Variants in FER1L6 observed in about 807,000 individuals in gnomAD.
The protein encoded by FER1L6 is fer-1 like family member 6.
FER1L6 carries 177 observed loss-of-function variants against 219.2 expected under a neutral mutation model. That is an observed-to-expected ratio of 0.81 (90% confidence interval 0.71 to 0.91). The LOEUF (loss-of-function observed/expected upper bound fraction) is 0.91, where lower values mean the gene tolerates loss of function less well. FER1L6 is among the 40% of genes least tolerant of loss of function. The probability of loss-of-function intolerance (pLI) is 0.00; values close to 1 mark genes in which losing one functional copy is unlikely to be tolerated. For synonymous variants in FER1L6, 768 were observed against 824.3 expected, an observed-to-expected ratio of 0.93 and a Z score of 1.17; for missense variants, 2,153 against 2,259.9, an observed-to-expected ratio of 0.95 and a Z score of 0.96.
At chr8:124,091,290 G>A (rs1049301813) in intron 33 of FER1L6, 133 bp from the exon 34 acceptor site, 2 of 623,828 alleles carry the variant, frequency 3.2e-6, no homozygotes, top group Admixed American at 3.1e-5. Context: ...TGTTTGGCCA[G>A]AAAAGAGAGA....
intron 2 of FER1L6, among the ~76,000 whole-genome samples, chr8:123,962,802 AT>A (rs1815354857): frequency 6.6e-6 from 1 of 151,854 alleles, no homozygotes; most frequent in South Asian, 2.1e-4. Context: ...TAATTTTTGT[AT>A]TTTTAGTAGA....
At chr8:124,062,483 G>A (rs1005578862) in intron 25 of FER1L6, among the ~76,000 whole-genome samples, 8 of 151,994 alleles carry the variant, frequency 5.3e-5, no homozygotes, top group South Asian at 2.1e-4. Flanking sequence ...CAGGCCTTAC[G>A]CCAGCATCCT....
chr8:123,923,546 T>C (rs1223794479), intron 1 of FER1L6, among the ~76,000 whole-genome samples: 2 of 152,200 alleles, frequency 1.3e-5, no homozygotes, highest in African/African-American at 4.8e-5. Flanking sequence ...AGCCAATTTA[T>C]TTTAGGTTAT....
intron 35 of FER1L6, 45 bp downstream of exon 35, chr8:124,095,083 C>T (rs1159216692): frequency 3.3e-5 from 53 of 1,609,138 alleles, no homozygotes; most frequent in Non-Finnish European, 4.2e-5. Context: ...ATCTTGTGTA[C>T]TGTAGAGTAA....
chr8:123,870,436 G>A (rs1219372321), intron 1 of FER1L6, among the ~76,000 whole-genome samples: 1 of 152,280 alleles, frequency 6.6e-6, no homozygotes, highest in East Asian at 1.9e-4. Context: ...AAAAGCTGTA[G>A]TACATTCATG....
intron 1 of FER1L6, among the ~76,000 whole-genome samples, chr8:123,896,058 G>T (rs1050017412): frequency 2.6e-5 from 4 of 152,154 alleles, no homozygotes; most frequent in Non-Finnish European, 5.9e-5. Flanking sequence ...GGCTTGTTCT[G>T]GAGGCAGCCG....
chr8:123,921,315 G>A (rs1400232330), intron 1 of FER1L6, among the ~76,000 whole-genome samples: 2 of 152,110 alleles, frequency 1.3e-5, no homozygotes, highest in East Asian at 3.9e-4. Flanking sequence ...CATTGTGCAA[G>A]GATTCCAACT....
At chr8:123,968,959 CT>C (rs1262726941) in intron 5 of FER1L6, among the ~76,000 whole-genome samples, 1 of 152,182 alleles carries the variant, frequency 6.6e-6, no homozygotes, top group Non-Finnish European at 1.5e-5. Flanking sequence ...GCCTGCCTTC[CT>C]GGTCCCCCTC....
intron 39 of FER1L6, among the ~76,000 whole-genome samples, chr8:124,115,419 C>T (rs902767285): frequency 6.6e-6 from 1 of 152,056 alleles, no homozygotes; most frequent in Non-Finnish European, 1.5e-5. Context: ...CCGATAGATG[C>T]ATTGCGACCG....
intron 1 of FER1L6, among the ~76,000 whole-genome samples, chr8:123,881,224 TA>T (rs935320554): frequency 2.0e-5 from 3 of 152,088 alleles, no homozygotes; most frequent in Non-Finnish European, 2.9e-5. Flanking sequence ...ATGAAGGAAC[TA>T]AAAAAAATCC....
intron 26 of FER1L6, among the ~76,000 whole-genome samples, chr8:124,066,102 A>G (rs959826403): frequency 6.6e-6 from 1 of 152,212 alleles, no homozygotes; most frequent in Non-Finnish European, 1.5e-5. Context: ...GCATTGCATC[A>G]TGTAGTGTAG....
intron 1 of FER1L6, among the ~76,000 whole-genome samples, chr8:123,935,082 T>A (rs558857990): frequency 3.3e-5 from 5 of 152,330 alleles, no homozygotes; most frequent in Admixed American, 6.5e-5. Flanking sequence ...TCATTGATGA[T>A]TCTTAGCTAA....
chr8:124,051,924 G>C (rs1330344937), intron 22 of FER1L6, among the ~76,000 whole-genome samples: 1 of 152,174 alleles, frequency 6.6e-6, no homozygotes, highest in East Asian at 1.9e-4. Context: ...TGGAGAAAAA[G>C]TGAGCTCTCT....
chr8:124,104,690 A>G (rs2130997140), intron 39 of FER1L6, among the ~76,000 whole-genome samples: 1 of 152,346 alleles, frequency 6.6e-6, no homozygotes, highest in Admixed American at 6.5e-5. Flanking sequence ...CTTTGACATC[A>G]TTCTAATTTC....
chr8:124,006,036 A>G (rs1314399207), intron 13 of FER1L6, among the ~76,000 whole-genome samples: 5 of 152,166 alleles, frequency 3.3e-5, no homozygotes, highest in African/African-American at 9.7e-5. Context: ...GTCGTTCTTC[A>G]CAACACCAGA....
chr8:123,933,979 A>G lies in FER1L6; in HGVS notation c.-7-22013A>G, dbSNP rs536527981. ...TTCTCTATATCCTTGCTTTTTTCTG[A>G]ACCATTTAGTCATAGACATCATAAT... On this transcript the variant is annotated intron_variant, in intron 1 of 40. Coordinates refer to ENST00000522917, the MANE Select transcript of FER1L6 (RefSeq NM_001039112.2). Among the ~76,000 whole-genome samples, 106 of 152,210 alleles carry G rather than the reference A, an allele frequency of 7.0e-4. 1 individual carries two copies. Among genetic ancestry groups the G allele is most frequent in the African/African-American group, 2.1e-3 (89 of 41,542 alleles).
At chr8:123,905,930 G>A (rs937705379) in intron 1 of FER1L6, among the ~76,000 whole-genome samples, 1 of 152,152 alleles carries the variant, frequency 6.6e-6, no homozygotes, top group African/African-American at 2.4e-5. Context: ...AGCAATACGG[G>A]GTTTTTTGAA....
At chr8:123,898,741 C>T (rs1222321630) in intron 1 of FER1L6, among the ~76,000 whole-genome samples, 2 of 134,580 alleles carry the variant, frequency 1.5e-5, no homozygotes, top group Non-Finnish European at 3.2e-5. Context: ...AGTATATATA[C>T]ATATATACTA....
chr8:123,877,766 CAAA>C (rs34492769), intron 1 of FER1L6, among the ~76,000 whole-genome samples: 1 of 126,672 alleles, frequency 7.9e-6, no homozygotes, highest in African/African-American at 2.8e-5. Context: ...CCAGTCCCTG[CAAA>C]AAAAAAAAAA....
Sources: allele counts gnomAD v4.1 joint callset (sites outside exome capture counted in the v4.1 genomes callset), GRCh38; gene constraint gnomAD v4.1.1; transcripts MANE v1.5; gene names NCBI Gene and HGNC (gene_info 2026-07-23, HGNC 2026-07-21).